ASB15: variants seen among roughly 807,000 people sequenced by gnomAD.
ASB15 encodes ankyrin repeat and SOCS box containing 15.
ASB15 carries 54 observed loss-of-function variants against 58.0 expected under a neutral mutation model. That is an observed-to-expected ratio of 0.93 (90% CI 0.75 to 1.17). ASB15 has a LOEUF of 1.17. ASB15 is among the 50% of genes most tolerant of loss of function. The probability of loss-of-function intolerance (pLI) is 0.00; values close to 1 mark genes in which losing one functional copy is unlikely to be tolerated. For synonymous variants in ASB15, 249 were observed against 262.4 expected (o/e 0.95, Z 0.50); for missense variants, 680 against 707.4 (o/e 0.96, Z 0.44).
At chr7:123,630,502 G>A (rs909755097) in intron 11 of ASB15, among the ~76,000 whole-genome samples, 2 of 152,122 alleles carry the variant, frequency 1.3e-5, no homozygotes, top group African/African-American at 4.8e-5. Context: ...CAATAAATAT[G>A]GAGTAAATGA....
At chr7:123,578,284 C>T (rs770967133) in intron 1 of ASB15, among the ~76,000 whole-genome samples, 11 of 151,226 alleles carry the variant, frequency 7.3e-5, no homozygotes, top group Non-Finnish European at 4.4e-5. Context: ...TCTAAAGCCT[C>T]TTGGTCCCTC....
intron 3 of ASB15, among the ~76,000 whole-genome samples, chr7:123,611,082 CAAAAAA>C (rs34527165): frequency 0.028 from 2,294 of 81,936 alleles, 96 homozygotes; most frequent in African/African-American, 0.099. Context: ...AACTCCATCT[CAAAAAA>C]AAAAAAAAAA....
chr7:123,631,952 C>T (rs1245746594), intron 11 of ASB15, among the ~76,000 whole-genome samples: 1 of 152,036 alleles, frequency 6.6e-6, no homozygotes, highest in Admixed American at 6.6e-5. Flanking sequence ...CTGGCGGGCG[C>T]CTGTAATCCC....
intron 1 of ASB15, among the ~76,000 whole-genome samples, chr7:123,579,201 T>C (rs1799156596): frequency 6.6e-6 from 1 of 152,156 alleles, no homozygotes. Flanking sequence ...GGCCTCCAGC[T>C]GTATCCATGT....
At chr7:123,609,521 C>G (rs1800326124) in intron 3 of ASB15, among the ~76,000 whole-genome samples, 1 of 152,210 alleles carries the variant, frequency 6.6e-6, no homozygotes, top group Admixed American at 6.5e-5. Flanking sequence ...ATGGAAGCAA[C>G]TGTCCACTCT....
At chr7:123,573,991 C>G (rs765599015) in intron 1 of ASB15, among the ~76,000 whole-genome samples, 6 of 152,016 alleles carry the variant, frequency 3.9e-5, no homozygotes, top group Non-Finnish European at 4.4e-5. Context: ...TTTATAAATA[C>G]CTAGTAATAT....
chr7:123,617,250 C>T (rs991301169), intron 6 of ASB15, among the ~76,000 whole-genome samples: 3 of 151,882 alleles, frequency 2.0e-5, no homozygotes, highest in Non-Finnish European at 4.4e-5. Flanking sequence ...TTTCATTTCA[C>T]AAAAAAACAA....
chr7:123,585,422 G>A (rs561074090), intron 1 of ASB15, among the ~76,000 whole-genome samples: 1 of 151,830 alleles, frequency 6.6e-6, no homozygotes, highest in South Asian at 2.1e-4. Context: ...GAATGCATAT[G>A]CAATATTGCT....
At chr7:123,579,206 C>T (rs1034839273) in intron 1 of ASB15, among the ~76,000 whole-genome samples, 6 of 152,092 alleles carry the variant, frequency 3.9e-5, no homozygotes, top group African/African-American at 1.4e-4. Flanking sequence ...CCAGCTGTAT[C>T]CATGTTGCTG....
At chr7:123,599,467 T>C (rs1799803658), upstream of ASB15, among the ~76,000 whole-genome samples, 1 of 152,184 alleles carries the variant, frequency 6.6e-6, no homozygotes, top group Admixed American at 6.5e-5. Flanking sequence ...TAGCAAGAGC[T>C]GTTTTTTAAA....
chr7:123,606,967 A>T lies in ASB15; in HGVS notation c.-63-1627A>T, dbSNP rs578196487. ...TTTCAATTCCTTTGGATATATACACACAGAAGTGAGATTGCTGGATCATAA... is the reference window on the plus strand; with the variant it reads ...TTTCAATTCCTTTGGATATATACACTCAGAAGTGAGATTGCTGGATCATAA... On this transcript the variant is annotated intron_variant, in intron 2 of 11. Coordinates refer to ENST00000451215, the MANE Select transcript of ASB15 (RefSeq NM_001290258.2). Among the ~76,000 whole-genome samples, 15 of 152,324 alleles carry T rather than the reference A, an allele frequency of 9.8e-5. No individual in the cohort carries two copies. In the South Asian group the frequency reaches 1.7e-3, roughly 17 times the overall value.
intron 3 of ASB15, chr7:123,609,236 C>G (rs908088098): frequency 1.3e-5 from 2 of 152,018 alleles, no homozygotes; most frequent in South Asian, 4.2e-4. Flanking sequence ...TTCTATTGAC[C>G]CTTTTGTTGT....
chr7:123,626,651 T>C (rs1162423071), intron 8 of ASB15, among the ~76,000 whole-genome samples: 2 of 152,206 alleles, frequency 1.3e-5, no homozygotes, highest in African/African-American at 4.8e-5. Flanking sequence ...TTATTGAAAG[T>C]ATAGAAAACA....
chr7:123,623,863 C>CA (rs752637761), intron 7 of ASB15, among the ~76,000 whole-genome samples: 384 of 10,204 alleles, frequency 0.038, 8 homozygotes, highest in Non-Finnish European at 0.055. Flanking sequence ...GACTCTGTCT[C>CA]AAAAAAAAAA....
intron 6 of ASB15, among the ~76,000 whole-genome samples, chr7:123,616,912 G>A (rs1293434873): frequency 6.6e-6 from 1 of 151,974 alleles, no homozygotes; most frequent in Non-Finnish European, 1.5e-5. Flanking sequence ...GACAATACTG[G>A]TCTTTACATT....
At chr7:123,598,054 C>T (rs1394542007), upstream of ASB15, among the ~76,000 whole-genome samples, 2 of 151,444 alleles carry the variant, frequency 1.3e-5, no homozygotes, top group African/African-American at 4.9e-5. Flanking sequence ...GGGACTAGAA[C>T]CACATGTCCC....
At chr7:123,611,783 ACTGT>A (rs1230452232) in intron 3 of ASB15, among the ~76,000 whole-genome samples, 2 of 151,762 alleles carry the variant, frequency 1.3e-5, no homozygotes, top group Admixed American at 6.6e-5. Flanking sequence ...CCTTTGACTG[ACTGT>A]CTGGCACCTT....
upstream of ASB15, among the ~76,000 whole-genome samples, chr7:123,597,827 T>A (rs1431885827): frequency 6.6e-6 from 1 of 151,686 alleles, no homozygotes; most frequent in African/African-American, 2.4e-5. Flanking sequence ...CAAGACTTCA[T>A]CTGAAAAAAA....
At chr7:123,587,885 G>A (rs1408865873) in intron 1 of ASB15, among the ~76,000 whole-genome samples, 1 of 151,644 alleles carries the variant, frequency 6.6e-6, no homozygotes, top group Admixed American at 6.6e-5. Context: ...AGAGATAAAT[G>A]CCACTTAACC....
Sources: allele counts gnomAD v4.1 joint callset (sites outside exome capture counted in the v4.1 genomes callset), GRCh38; gene constraint gnomAD v4.1.1; transcripts MANE v1.5; gene names NCBI Gene and HGNC (gene_info 2026-07-23, HGNC 2026-07-21).